The following SCNN1G variants were observed in gnomAD, a reference collection of about 807,000 sequenced individuals.
SCNN1G encodes the protein sodium channel epithelial 1 subunit gamma.
Under a neutral mutation model 64.6 loss-of-function variants are expected in SCNN1G, and 27 were observed. The observed-to-expected ratio is 0.42, with a 90% CI of 0.31 to 0.58. The LOEUF (loss-of-function observed/expected upper bound fraction) is 0.58. SCNN1G is among the 20% of genes least tolerant of loss of function. The pLI, the probability that SCNN1G is intolerant of heterozygous loss-of-function variation, is 0.18. For synonymous variants in SCNN1G, 330 were observed against 314.2 expected (o/e 1.05, Z -0.53); for missense variants, 743 against 823.4 (o/e 0.90, Z 1.19).
At chr16:23,199,087 A>G (rs1308127464) in intron 6 of SCNN1G, among the ~76,000 whole-genome samples, 2 of 152,024 alleles carry the variant, frequency 1.3e-5, no homozygotes, top group East Asian at 1.9e-4. Flanking sequence ...GGAGTGTACC[A>G]AGCAGAGTGT....
At chr16:23,202,704 A>G (rs1325550485) in intron 6 of SCNN1G, among the ~76,000 whole-genome samples, 1 of 152,222 alleles carries the variant, frequency 6.6e-6, no homozygotes, top group African/African-American at 2.4e-5. Context: ...CACGGATATT[A>G]TAGCACAGAA....
intron 11 of SCNN1G, among the ~76,000 whole-genome samples, chr16:23,213,977 GACCCTCC>G (rs1236745603): frequency 6.6e-6 from 1 of 152,150 alleles, no homozygotes; most frequent in African/African-American, 2.4e-5. Flanking sequence ...TGGCAAGAAC[GACCCTCC>G]ACTGTTTTGT....
intron 6 of SCNN1G, among the ~76,000 whole-genome samples, chr16:23,198,354 G>A (rs1475115064): frequency 1.3e-5 from 2 of 152,190 alleles, no homozygotes; most frequent in Non-Finnish European, 2.9e-5. Context: ...TGCTTATGGA[G>A]TTTTCTTGTT....
chr16:23,213,252 C>CTTTT lies in SCNN1G; in HGVS notation c.1493+107_1493+110dup, dbSNP rs376259589. ...TTCTGTATGTGTATGGCCAAATCCT[C>CTTTT]TTTTTTTTTTTTTTTTTTTTTATGG... is the stretch of plus-strand genomic sequence containing the variant. On this transcript the variant is annotated intron_variant, in intron 11 of 12. Transcript: ENST00000300061. 351 of 531,508 alleles carry CTTTT rather than the reference C, an allele frequency of 6.6e-4. 1 individual carries two copies. The highest frequency in any genetic ancestry group is 1.3e-3 in the Middle Eastern group (3 of 2,252). 32.9% of individuals were successfully genotyped at this position (531,508 alleles called of 1,614,324 possible). A position where few individuals can be genotyped will look rare whatever the true frequency, so the allele number is the denominator to read the frequency against.
intron 6 of SCNN1G, among the ~76,000 whole-genome samples, chr16:23,208,830 G>A (rs1960034699): frequency 6.6e-6 from 1 of 151,332 alleles, no homozygotes; most frequent in African/African-American, 2.4e-5. Flanking sequence ...CTCAAACCCT[G>A]GACTCAAGGA....
rs973941827 is a variant in SCNN1G at position 23,215,823 on chromosome 16, A to G, written c.*354A>G. ...GGTCTTGAGAGGGAAGGACTCTTCCAAAGCCCCAAAGCCGAGGGTTTCACC... is the reference window on the plus strand; with the variant it reads ...GGTCTTGAGAGGGAAGGACTCTTCCGAAGCCCCAAAGCCGAGGGTTTCACC... On this transcript the variant is annotated 3_prime_UTR_variant, in exon 13 of 13. Transcript: ENST00000300061. 17 of 343,090 alleles carry G rather than the reference A, an allele frequency of 5.0e-5. No homozygotes were observed. The highest frequency in any genetic ancestry group is 9.2e-4 in the Middle Eastern group (1 of 1,082). 21.3% of individuals were successfully genotyped at this position (343,090 alleles called of 1,614,324 possible).
At position 23,186,379 on chromosome 16, in the gene SCNN1G, C is replaced by A. The variant is rs759238823; in HGVS notation, c.108C>A (p.Thr36=). 7 of 1,614,126 alleles carry A rather than the reference C, an allele frequency of 4.3e-6. No individual in the cohort carries two copies. Among genetic ancestry groups the A allele is most frequent in the African/African-American group, 4.0e-5 (3 of 74,948 alleles). ...KELMRWYCLN[T]NTHGCRRIVV... is the part of the protein sequence containing the mutation. Reference sequence around the variant, plus strand: ...TGATGCGGTGGTACTGCCTCAACACCAACACCCATGGCTGTCGCCGCATCG... The same window carrying A: ...TGATGCGGTGGTACTGCCTCAACACAAACACCCATGGCTGTCGCCGCATCG... Residue 36 remains threonine (T), a synonymous_variant, in exon 2 of 13, where the codon ACC becomes ACA. Coordinates refer to ENST00000300061, the MANE Select transcript of SCNN1G (RefSeq NM_001039.4).
intron 6 of SCNN1G, among the ~76,000 whole-genome samples, chr16:23,200,274 T>C (rs1403645911): frequency 1.3e-5 from 2 of 152,066 alleles, no homozygotes; most frequent in Admixed American, 1.3e-4. Flanking sequence ...TGACCTTTTT[T>C]TAATGTTTAA....
intron 6 of SCNN1G, among the ~76,000 whole-genome samples, chr16:23,197,658 C>T (rs957549106): frequency 1.3e-5 from 2 of 151,958 alleles, no homozygotes; most frequent in African/African-American, 4.8e-5. Flanking sequence ...TTCAGGAGAC[C>T]GAGGTGAGGT....
Position 23,190,831 on chromosome 16 carries a change from A to ATTTTTTT in SCNN1G, c.618+1184_618+1190dup, listed in dbSNP as rs896029487. 3.4e-4 allele frequency among the ~76,000 whole-genome samples: 19 copies of ATTTTTTT among 56,250 alleles called. 2 individuals carry two copies. Among genetic ancestry groups the ATTTTTTT allele is most frequent in the East Asian group, 7.3e-4 (1 of 1,378 alleles). The allele number at this position is 56,250 out of a possible 152,430, so 36.9% of individuals were successfully genotyped here. A position where few individuals can be genotyped will look rare whatever the true frequency, so the allele number is the denominator to read the frequency against. ...TTCCCTTTTGGTCCCATTTGAGGGG[A>ATTTTTTT]TTTTTTTTTTTTTTTTTTTTTTTTT... On this transcript the variant is annotated intron_variant, in intron 3 of 12. Transcript: ENST00000300061.
intron 6 of SCNN1G, among the ~76,000 whole-genome samples, chr16:23,206,919 G>C (rs1156799587): frequency 6.6e-6 from 1 of 152,130 alleles, no homozygotes; most frequent in Non-Finnish European, 1.5e-5. Context: ...AAGTCAAAAT[G>C]TCTTCCTAGC....
intron 7 of SCNN1G, among the ~76,000 whole-genome samples, chr16:23,211,241 G>T (rs1423252097): frequency 3.9e-5 from 6 of 152,190 alleles, no homozygotes; most frequent in African/African-American, 1.4e-4. Context: ...GCAAAGATTG[G>T]ATTTGACCTG....
In SCNN1G at chr16:23,212,062, A is replaced by G; in HGVS notation, c.1205A>G (p.Lys402Arg). 7 of 1,613,806 alleles carry G rather than the reference A, an allele frequency of 4.3e-6. No individual in the cohort carries two copies. The highest frequency in any genetic ancestry group is 5.9e-6 in the Non-Finnish European group (7 of 1,179,736). The change falls in exon 8 of 13, where the codon AAG becomes AGG. Residue 402 changes from lysine to arginine, a missense_variant. Physicochemically the swap from Lys to Arg is conservative, Grantham distance 26. Coordinates refer to ENST00000300061, the MANE Select transcript of SCNN1G (RefSeq NM_001039.4). Reference protein sequence around the residue: ...QICLHSCFQTKMVEKCGCAQY... With the variant: ...QICLHSCFQTRMVEKCGCAQY... ...TGCCTTCATTCATGCTTCCAGACAA[A>G]GATGGTGGAGAAATGTGGGTGTGCC...
intron 1 of SCNN1G, 40 bp from the exon 2 acceptor site, chr16:23,186,188 T>A (rs539290571): frequency 7.4e-7 from 1 of 1,350,210 alleles, no homozygotes; most frequent in African/African-American, 1.4e-5. Context: ...AGCCGGCTAG[T>A]GCCTGCCAGC....
chr16:23,204,338 G>A (rs865863419), intron 6 of SCNN1G, among the ~76,000 whole-genome samples: 1 of 85,622 alleles, frequency 1.2e-5, no homozygotes, highest in Non-Finnish European at 2.5e-5. Flanking sequence ...TATATATAGA[G>A]AGAGAGAGAG....
At chr16:23,197,497 G>C (rs1032228396) in intron 6 of SCNN1G, 70 bp downstream of exon 6, 3 of 1,389,930 alleles carry the variant, frequency 2.2e-6, no homozygotes, top group African/African-American at 1.4e-5. Context: ...ATAACCAATG[G>C]GGTGCAGCTT....
chr16:23,190,928 C>T (rs1215524968), intron 3 of SCNN1G, among the ~76,000 whole-genome samples: 3 of 132,882 alleles, frequency 2.3e-5, no homozygotes, highest in Non-Finnish European at 4.6e-5. Context: ...ACTGCAACTT[C>T]TACCTCCCGG....
intron 6 of SCNN1G, among the ~76,000 whole-genome samples, chr16:23,208,491 A>G (rs1041425628): frequency 6.6e-6 from 1 of 152,064 alleles, no homozygotes; most frequent in Non-Finnish European, 1.5e-5. Flanking sequence ...ACATCCTTCA[A>G]GTCAACTTCT....
At chr16:23,196,612 T>C (rs1959798617) in intron 5 of SCNN1G, 1 of 154,922 alleles carries the variant, frequency 6.5e-6, no homozygotes, top group African/African-American at 2.4e-5. Flanking sequence ...CAAGGGCAAT[T>C]GGTAAACAAT....
Sources: gnomAD v4.1 joint callset for allele counts (sites outside exome capture counted in the v4.1 genomes callset) on GRCh38, gnomAD v4.1.1 for gene constraint, MANE v1.5 for transcripts, NCBI Gene and HGNC (gene_info 2026-07-23, HGNC 2026-07-21) for gene names.